Variants in CLPB observed in about 807,000 individuals in gnomAD.
CLPB encodes ClpB family mitochondrial disaggregase.
Under a neutral mutation model 78.4 loss-of-function variants are expected in CLPB, and 40 were observed. The observed-to-expected ratio is 0.51, with a 90% CI of 0.40 to 0.66. The LOEUF is 0.66. Among genes scored for constraint, CLPB ranks in the 30% least tolerant of loss-of-function variants. The pLI is 0.00. For missense variants in CLPB, 780 were observed against 886.9 expected (o/e 0.88, Z 1.53); for synonymous variants, 333 against 348.0 (o/e 0.96, Z 0.48).
Position 72,329,765 on chromosome 11 carries a change from GGT to G in CLPB, c.813_814del (p.Pro272LeufsTer17), listed in dbSNP as rs766023348. On this transcript the variant is annotated frameshift_variant, in exon 6 of 16. Coordinates refer to ENST00000538039, the MANE Select transcript of CLPB (RefSeq NM_001258392.3). LOFTEE classifies it high-confidence loss of function. ...TTCCCCTTCTCGGGCATAATCCAAGGGTGTGTGTCCCATTTCATTCCTCTGCA... is the reference window on the plus strand; with the variant it reads ...TTCCCCTTCTCGGGCATAATCCAAGGGTGTGTCCCATTTCATTCCTCTGCA... 2.5e-6 allele frequency: 4 copies of G among 1,613,872 alleles called. No individual in the cohort carries two copies. The highest frequency in any genetic ancestry group is 3.4e-6 in the Non-Finnish European group (4 of 1,179,930).
chr11:72,401,333 C>T (rs531221617), intron 3 of CLPB, among the ~76,000 whole-genome samples: 6 of 151,984 alleles, frequency 3.9e-5, no homozygotes, highest in Admixed American at 3.3e-4. Flanking sequence ...CCCAGCTACT[C>T]GGGAGGCTGA....
intron 3 of CLPB, among the ~76,000 whole-genome samples, chr11:72,385,073 T>A (rs533864486): frequency 1.5e-4 from 23 of 152,328 alleles, no homozygotes; most frequent in Admixed American, 1.3e-4. Flanking sequence ...GAACATTCCA[T>A]CCAACAGCAG....
At chr11:72,418,979 G>T (rs1435365772) in intron 2 of CLPB, among the ~76,000 whole-genome samples, 2 of 152,160 alleles carry the variant, frequency 1.3e-5, no homozygotes, top group Admixed American at 6.5e-5. Flanking sequence ...TGCTCAGAAG[G>T]GAGGAACACA....
At chr11:72,329,635 C>T in intron 6 of CLPB, 72 bp downstream of exon 6, 1 of 991,540 alleles carries the variant, frequency 1.0e-6, no homozygotes, top group South Asian at 1.4e-5. Flanking sequence ...TAAAGCCTGA[C>T]ATAATTTAAT....
intron 2 of CLPB, among the ~76,000 whole-genome samples, chr11:72,413,836 C>G (rs1040248427): frequency 1.3e-5 from 2 of 152,178 alleles, no homozygotes; most frequent in South Asian, 4.1e-4. Flanking sequence ...TGCATCCATT[C>G]GTTCCATAAA....
At chr11:72,366,971 T>C (rs191795119) in intron 4 of CLPB, among the ~76,000 whole-genome samples, 2 of 152,120 alleles carry the variant, frequency 1.3e-5, no homozygotes, top group East Asian at 3.9e-4. Context: ...ACAGAATCAA[T>C]CTAGGTGCCC....
At chr11:72,381,218 C>G (rs1854902749) in intron 3 of CLPB, among the ~76,000 whole-genome samples, 1 of 152,278 alleles carries the variant, frequency 6.6e-6, no homozygotes, top group Non-Finnish European at 1.5e-5. Flanking sequence ...CATGGAGAGA[C>G]ATACACTCAT....
At chr11:72,420,651 G>A (rs1385559763) in intron 2 of CLPB, among the ~76,000 whole-genome samples, 3 of 152,320 alleles carry the variant, frequency 2.0e-5, no homozygotes, top group East Asian at 1.9e-4. Context: ...AACAGAAGGT[G>A]GTAAGTGCTC....
intron 11 of CLPB, among the ~76,000 whole-genome samples, chr11:72,300,323 A>G (rs1267230673): frequency 6.6e-6 from 1 of 152,184 alleles, no homozygotes; most frequent in Admixed American, 6.5e-5. Context: ...ACAAAATGCA[A>G]AATGCCAGCT....
intron 3 of CLPB, among the ~76,000 whole-genome samples, chr11:72,382,937 TAAGAA>T (rs980889125): frequency 1.1e-4 from 17 of 151,870 alleles, no homozygotes; most frequent in African/African-American, 1.9e-4. Context: ...TAGCAAACAT[TAAGAA>T]AATATAGAGA....
intron 2 of CLPB, among the ~76,000 whole-genome samples, chr11:72,421,930 G>C (rs1856211406): frequency 6.6e-6 from 1 of 152,218 alleles, no homozygotes. Context: ...TAGGGTTTCA[G>C]TGTGTGATCT....
chr11:72,356,282 T>TAAA (rs375776547), intron 5 of CLPB, among the ~76,000 whole-genome samples: 1 of 136,740 alleles, frequency 7.3e-6, no homozygotes, highest in Non-Finnish European at 1.6e-5. Flanking sequence ...CTGTCTCAAT[T>TAAA]AAAAAAAAAA....
chr11:72,294,574 C>T (rs1240193575), intron 13 of CLPB, 46 bp downstream of exon 13: 2 of 1,606,634 alleles, frequency 1.2e-6, no homozygotes, highest in Non-Finnish European at 8.5e-7. Context: ...GATCACCCTC[C>T]CCCAACCTTA....
intron 6 of CLPB, among the ~76,000 whole-genome samples, chr11:72,326,458 CTCT>C (rs1950135282): frequency 6.6e-6 from 1 of 152,176 alleles, no homozygotes; most frequent in African/African-American, 2.4e-5. Flanking sequence ...TTATTTATTT[CTCT>C]TCATTTTACT....
At chr11:72,400,940 T>C (rs1033191603) in intron 3 of CLPB, among the ~76,000 whole-genome samples, 2 of 152,318 alleles carry the variant, frequency 1.3e-5, no homozygotes, top group African/African-American at 4.8e-5. Flanking sequence ...CCCATTAGAC[T>C]GCAAACTCCC....
intron 2 of CLPB, among the ~76,000 whole-genome samples, chr11:72,426,847 C>T (rs987345664): frequency 6.6e-6 from 1 of 152,198 alleles, no homozygotes; most frequent in African/African-American, 2.4e-5. Context: ...TGGCATTCAG[C>T]TCTACTTCTC....
intron 10 of CLPB, 41 bp from the exon 11 acceptor site, chr11:72,302,005 G>A (rs1233212107): frequency 1.9e-6 from 3 of 1,604,090 alleles, no homozygotes; most frequent in Non-Finnish European, 1.7e-6. Context: ...GCCTTTCTGT[G>A]CTTTTAGTTT....
At position 72,298,759 on chromosome 11, in the gene CLPB, A is replaced by C. The variant is rs1431202662; in HGVS notation, c.1329+3044T>G. On this transcript the variant is annotated intron_variant, in intron 11 of 15. Transcript: ENST00000538039. ...GTGATCTGCCCACCTCGGCCTTCCA[A>C]AGTGCTGGGATTACAGGTGTGACCC... Among the ~76,000 whole-genome samples the C allele has an allele frequency of 3.3e-5, 5 of 152,160 alleles. No homozygotes were observed. In the East Asian group the frequency reaches 9.6e-4, roughly 29 times the overall value.
At chr11:72,304,796 G>C (rs1327608061) in intron 9 of CLPB, among the ~76,000 whole-genome samples, 6 of 152,174 alleles carry the variant, frequency 3.9e-5, no homozygotes, top group African/African-American at 1.4e-4. Context: ...TTCGTCAGCT[G>C]TCTTGGGAGG....
Sources: gnomAD v4.1 joint callset for allele counts (sites outside exome capture counted in the v4.1 genomes callset) on GRCh38, gnomAD v4.1.1 for gene constraint, MANE v1.5 for transcripts, NCBI Gene and HGNC (gene_info 2026-07-23, HGNC 2026-07-21) for gene names.